Variants in HEATR5B observed in about 807,000 individuals in gnomAD.
HEATR5B encodes HEAT repeat-containing protein 5B.
HEATR5B carries 156 observed loss-of-function variants against 224.1 expected under a neutral mutation model. That is an observed-to-expected ratio of 0.70 (90% confidence interval 0.61 to 0.80). The LOEUF (loss-of-function observed/expected upper bound fraction) is 0.80, where lower values mean the gene tolerates loss of function less well. Among genes scored for constraint, HEATR5B ranks in the 30% least tolerant of loss-of-function variants. HEATR5B has a pLI of 0.00. For missense variants in HEATR5B, 2,323 were observed against 2,535.5 expected (o/e 0.92, Z 1.80); for synonymous variants, 1,027 against 893.0 (o/e 1.15, Z -2.68).
At chr2:36,999,894 C>G (rs903404583) in intron 33 of HEATR5B, among the ~76,000 whole-genome samples, 1 of 151,372 alleles carries the variant, frequency 6.6e-6, no homozygotes, top group African/African-American at 2.4e-5. Flanking sequence ...CATCTGTAAT[C>G]CCAGCTACTC....
In HEATR5B at chr2:37,072,819, TC is replaced by T. The variant is rs765198357; in HGVS notation, c.598-539del. ...TGAGAGAGGTCAAATCACTACAGATTCAACATGTTTTAAAAAGTTAAAGAGA... is the reference window on the plus strand; with the variant it reads ...TGAGAGAGGTCAAATCACTACAGATTAACATGTTTTAAAAAGTTAAAGAGA... On this transcript the variant is annotated intron_variant, in intron 5 of 35. Transcript: ENST00000233099. 2.9e-3 allele frequency among the ~76,000 whole-genome samples: 438 copies of T among 151,962 alleles called. 3 individuals carry two copies. Among genetic ancestry groups the T allele is most frequent in the Non-Finnish European group, 3.4e-3 (228 of 67,962 alleles).
At chr2:37,077,311 T>G (rs1213173313) in intron 3 of HEATR5B, among the ~76,000 whole-genome samples, 2 of 145,312 alleles carry the variant, frequency 1.4e-5, no homozygotes, top group Non-Finnish European at 3.0e-5. Flanking sequence ...CAAGCTTTTC[T>G]TTTTTTTTTT....
At chr2:37,044,221 G>C (rs1670048622) in intron 18 of HEATR5B, among the ~76,000 whole-genome samples, 1 of 152,152 alleles carries the variant, frequency 6.6e-6, no homozygotes, top group Non-Finnish European at 1.5e-5. Flanking sequence ...GACAACACAA[G>C]ATATAGGACA....
At chr2:37,026,141 C>G (rs555155612) in intron 24 of HEATR5B, among the ~76,000 whole-genome samples, 1 of 152,072 alleles carries the variant, frequency 6.6e-6, no homozygotes, top group African/African-American at 2.4e-5. Context: ...AGACATGTGA[C>G]GACTGAAGAA....
chr2:37,071,786 G>A (rs1558376353), intron 6 of HEATR5B, among the ~76,000 whole-genome samples: 1 of 151,768 alleles, frequency 6.6e-6, no homozygotes, highest in East Asian at 1.9e-4. Context: ...CCGGGTTCAT[G>A]CGATTCTCCT....
intron 5 of HEATR5B, among the ~76,000 whole-genome samples, 192 bp from the exon 6 acceptor site, chr2:37,072,473 C>T (rs1029133307): frequency 3.9e-5 from 6 of 152,158 alleles, no homozygotes; most frequent in African/African-American, 1.4e-4. Flanking sequence ...ATGAACCCTA[C>T]AACTGTCCCA....
intron 22 of HEATR5B, among the ~76,000 whole-genome samples, chr2:37,032,304 C>G (rs1669182612): frequency 1.3e-5 from 2 of 152,020 alleles, no homozygotes; most frequent in South Asian, 4.1e-4. Context: ...CTTACTCCAC[C>G]ACCCAGACTG....
chr2:37,066,262 A>G (rs1671582333), intron 8 of HEATR5B, among the ~76,000 whole-genome samples: 1 of 152,222 alleles, frequency 6.6e-6, no homozygotes, highest in Non-Finnish European at 1.5e-5. Context: ...TGTGACATTG[A>G]GCAAGATGTT....
chr2:36,995,087 G>T (rs868366359), intron 33 of HEATR5B, among the ~76,000 whole-genome samples: 84 of 104,090 alleles, frequency 8.1e-4, no homozygotes, highest in African/African-American at 9.8e-4. Context: ...GTTATTCCTT[G>T]TTTTTTTTTT....
chr2:37,070,087 A>G (rs1354675710), intron 7 of HEATR5B, 143 bp downstream of exon 7: 2 of 708,280 alleles, frequency 2.8e-6, no homozygotes, highest in East Asian at 2.7e-5. Flanking sequence ...TTTAGTAGAC[A>G]TGGGGTTTCA....
chr2:37,040,228 G>C, intron 20 of HEATR5B, 101 bp downstream of exon 20: 1 of 956,548 alleles, frequency 1.0e-6, no homozygotes, highest in Non-Finnish European at 1.6e-6. Context: ...CATAGTAATT[G>C]TTATTACAAA....
At chr2:37,056,649 C>A in intron 15 of HEATR5B, 34 bp from the exon 16 acceptor site, 1 of 1,543,762 alleles carries the variant, frequency 6.5e-7, no homozygotes, top group Admixed American at 1.9e-5. Context: ...TATTCAAAAT[C>A]TACTTTAGGA....
chr2:37,001,793 A>G (rs994322972), intron 32 of HEATR5B, among the ~76,000 whole-genome samples: 2 of 139,780 alleles, frequency 1.4e-5, no homozygotes, highest in African/African-American at 2.6e-5. Context: ...CTTCCTGAGT[A>G]GCTGGGATTA....
chr2:37,014,876 G>A (rs904269250), intron 26 of HEATR5B, among the ~76,000 whole-genome samples: 18 of 151,894 alleles, frequency 1.2e-4, no homozygotes, highest in African/African-American at 1.7e-4. Context: ...CCAGCTGCTC[G>A]GGAGGCTGAG....
At chr2:36,994,370 G>A (rs967521315) in intron 33 of HEATR5B, among the ~76,000 whole-genome samples, 6 of 152,110 alleles carry the variant, frequency 3.9e-5, no homozygotes, top group East Asian at 1.9e-4. Flanking sequence ...ATTTTTGTAC[G>A]TTTGTACATG....
chr2:36,986,141 C>T (rs770096852), intron 35 of HEATR5B, among the ~76,000 whole-genome samples: 3 of 152,008 alleles, frequency 2.0e-5, no homozygotes, highest in Non-Finnish European at 2.9e-5. Flanking sequence ...AGATTCAGTC[C>T]TCATCTTTAT....
chr2:37,001,949 G>C (rs765330588), intron 32 of HEATR5B, among the ~76,000 whole-genome samples: 1 of 152,252 alleles, frequency 6.6e-6, no homozygotes, highest in Non-Finnish European at 1.5e-5. Context: ...TTATAGGCAT[G>C]AGCCACCGCA....
chr2:37,073,060 C>T (rs1421220539), intron 5 of HEATR5B, among the ~76,000 whole-genome samples: 3 of 152,214 alleles, frequency 2.0e-5, no homozygotes, highest in African/African-American at 7.2e-5. Flanking sequence ...TATACCAACT[C>T]TTCCAGAAAA....
chr2:37,058,701 G>A (rs1671066560), intron 13 of HEATR5B, 141 bp from the exon 14 acceptor site: 2 of 699,704 alleles, frequency 2.9e-6, no homozygotes, highest in South Asian at 2.0e-5. Flanking sequence ...GATCTTTGCT[G>A]TAACAAAAAC....
Sources: allele counts gnomAD v4.1 joint callset (sites outside exome capture counted in the v4.1 genomes callset), GRCh38; gene constraint gnomAD v4.1.1; transcripts MANE v1.5; gene names NCBI Gene and HGNC (gene_info 2026-07-23, HGNC 2026-07-21).